The following SPG7 variants were observed in gnomAD, a reference collection of about 807,000 sequenced individuals.
The protein encoded by SPG7 is mitochondrial inner membrane m-AAA protease component paraplegin.
SPG7 carries 103 observed loss-of-function variants against 81.9 expected under a neutral mutation model. The ratio of observed to expected loss-of-function variants is 1.26; its 90% CI spans 1.07 to 1.48. The LOEUF (loss-of-function observed/expected upper bound fraction) is 1.48, where lower values mean the gene tolerates loss of function less well. SPG7 is among the 40% of genes most tolerant of loss of function. The probability of loss-of-function intolerance (pLI) is 0.00; values close to 1 mark genes in which losing one functional copy is unlikely to be tolerated. For synonymous variants in SPG7, 534 were observed against 444.2 expected (o/e 1.20, Z -2.54); for missense variants, 1,241 against 1,087.3 (o/e 1.14, Z -1.99).
intron 3 of SPG7, chr16:89,523,003 C>G (rs915230855): frequency 3.9e-5 from 6 of 153,738 alleles, no homozygotes; most frequent in African/African-American, 1.4e-4. Context: ...TTGAGTCGGT[C>G]TCTTGCTGTC....
chr16:89,521,384 C>G (rs1049329977), intron 3 of SPG7: 1 of 152,244 alleles, frequency 6.6e-6, no homozygotes, highest in African/African-American at 2.4e-5. Context: ...TGGAGAAGGG[C>G]TACACGTTTG....
intron 9 of SPG7, chr16:89,543,817 C>T (rs2058530727): frequency 6.6e-6 from 1 of 151,996 alleles, no homozygotes; most frequent in African/African-American, 2.4e-5. Flanking sequence ...CCACACCCGG[C>T]TAATTTTTTG....
chr16:89,552,588 G>C, intron 13 of SPG7: 1 of 318,210 alleles, frequency 3.1e-6, no homozygotes, highest in South Asian at 2.7e-5. Flanking sequence ...GACAGCCTCT[G>C]CTGCCTCAGC....
intron 2 of SPG7, among the ~76,000 whole-genome samples, chr16:89,511,209 T>C (rs989981916): frequency 6.6e-6 from 1 of 152,352 alleles, no homozygotes; most frequent in Admixed American, 6.5e-5. Flanking sequence ...TTTTTCGTGT[T>C]ATCTAGTCAG....
chr16:89,512,542 A>C (rs1597603853), intron 2 of SPG7, among the ~76,000 whole-genome samples: 2 of 151,672 alleles, frequency 1.3e-5, no homozygotes, highest in African/African-American at 4.8e-5. Flanking sequence ...TGAACTCCTG[A>C]CCTCGTGAAC....
chr16:89,544,983 C>G, intron 10 of SPG7: 1 of 626,694 alleles, frequency 1.6e-6, no homozygotes, highest in Non-Finnish European at 2.9e-6. Flanking sequence ...CCCACATTGG[C>G]TGCACGCCCC....
intron 10 of SPG7, 70 bp downstream of exon 10, chr16:89,544,842 TCTC>T: frequency 1.9e-6 from 3 of 1,583,360 alleles, no homozygotes; most frequent in African/African-American, 1.3e-5. Context: ...TGGTCTGGCC[TCTC>T]CTCTAAGACA....
At chr16:89,509,358 C>G (rs1045115908) in intron 1 of SPG7, among the ~76,000 whole-genome samples, 1 of 152,106 alleles carries the variant, frequency 6.6e-6, no homozygotes, top group Non-Finnish European at 1.5e-5. Context: ...TCAAGCGATT[C>G]TCCTGCCTCA....
In SPG7 at chr16:89,544,710, G is replaced by A. The variant is rs375418325; in HGVS notation, c.1387G>A (p.Gly463Ser). The change falls in exon 10 of 17, where the codon GGT (glycine) becomes AGT (serine). Residue 463 changes from glycine to serine, a missense_variant. Transcript: ENST00000645818. ...CACGAACCGAGCTGACATTTTGGAC[G>A]GTGCTCTGATGAGGCCAGGCCGACT... is the stretch of plus-strand genomic sequence containing the variant. ...ASTNRADILD[G>S]ALMRPGRLDR... is the part of the protein sequence containing the mutation. The A allele has an allele frequency of 5.0e-6, 8 of 1,613,970 alleles. No homozygotes were observed. The highest frequency in any genetic ancestry group is 2.7e-5 in the African/African-American group (2 of 74,904).
At chr16:89,528,359 T>C (rs1351174142) in intron 5 of SPG7, among the ~76,000 whole-genome samples, 1 of 145,828 alleles carries the variant, frequency 6.9e-6, no homozygotes, top group Admixed American at 7.0e-5. Context: ...ACCACTGCAG[T>C]CTGGCCTGGG....
intron 14 of SPG7, 100 bp from the exon 15 acceptor site, chr16:89,553,694 A>C: frequency 8.6e-7 from 1 of 1,160,396 alleles, no homozygotes; most frequent in Non-Finnish European, 1.3e-6. Flanking sequence ...AAGGGGATGG[A>C]GGTGGTGCTG....
intron 4 of SPG7, 44 bp from the exon 5 acceptor site, chr16:89,526,285 T>G (rs774593173): frequency 6.2e-7 from 1 of 1,612,540 alleles, no homozygotes; most frequent in South Asian, 1.1e-5. Flanking sequence ...GTTGCTCGTC[T>G]GTCCCTGCGT....
At chr16:89,510,141 A>AT (rs1244514600) in intron 1 of SPG7, among the ~76,000 whole-genome samples, 1 of 151,298 alleles carries the variant, frequency 6.6e-6, no homozygotes, top group African/African-American at 2.4e-5. Flanking sequence ...CGCCCGGCTA[A>AT]TTTTTGTATT....
Position 89,550,414 on chromosome 16 carries a change from C to T in SPG7, c.1664-80C>T, listed in dbSNP as rs1215350369. ...TCTCGAACTCCTGTCCTCAGGTCAT[C>T]CGCCCGCCTTGGCCTCCCACAGCGC... On this transcript the variant is annotated intron_variant, in intron 12 of 16. Coordinates refer to ENST00000645818, the MANE Select transcript of SPG7 (RefSeq NM_003119.4). The T allele has an allele frequency of 2.5e-5, 24 of 955,454 alleles. No individual in the cohort carries two copies. In the East Asian group the frequency reaches 5.7e-4, roughly 23 times the overall value. The allele number at this position is 955,454 out of a possible 1,614,324, so 59.2% of individuals were successfully genotyped here.
Position 89,532,524 on chromosome 16 carries a change from C to G in SPG7, c.1212C>G (p.Ile404Met), listed in dbSNP as rs765347604. 6.2e-7 allele frequency: 1 copy of G among 1,613,768 alleles called. No individual in the cohort carries two copies. Among genetic ancestry groups the G allele is most frequent in the Non-Finnish European group, 8.5e-7 (1 of 1,180,042 alleles). The stretch of plus-strand genomic sequence containing the variant: ...AAGCCCGAGCCCGGGCCCCCTGCAT[C>G]GTCTACATCGATGAGATCGACGCGG... ...FKEARARAPC[I>M]VYIDEIDAVG... The change falls in exon 9 of 17, where the codon ATC (isoleucine) becomes ATG (methionine). Residue 404 changes from isoleucine to methionine, a missense_variant. Transcript: ENST00000645818.
At chr16:89,534,357 G>A (rs532978331) in intron 9 of SPG7, among the ~76,000 whole-genome samples, 6 of 152,338 alleles carry the variant, frequency 3.9e-5, no homozygotes, top group African/African-American at 1.2e-4. Flanking sequence ...GAGGCTGAAC[G>A]ATGCTGCCTT....
intron 11 of SPG7, 107 bp downstream of exon 11, chr16:89,546,867 C>A: frequency 1.3e-6 from 1 of 759,902 alleles, no homozygotes; most frequent in South Asian, 1.4e-5. Flanking sequence ...GCTGCTCCTT[C>A]TCTGGGGGCC....
rs1302712889 is a variant in SPG7, at chr16:89,532,989, G to C, written c.1324+353G>C. On this transcript the variant is annotated intron_variant, in intron 9 of 16. Transcript: ENST00000645818. ...TCGCTAGTACTCTGGAGAATCGCTT[G>C]AACTCGGGAGGTGGAGGTTGCAGTG... is the stretch of plus-strand genomic sequence containing the variant. 3 of 305,160 alleles carry C rather than the reference G, an allele frequency of 9.8e-6. No individual in the cohort carries two copies. In the East Asian group the frequency reaches 2.5e-4, roughly 25 times the overall value. The allele number at this position is 305,160 out of a possible 1,614,324, so 18.9% of individuals were successfully genotyped here. A position where few individuals can be genotyped will look rare whatever the true frequency, so the allele number is the denominator to read the frequency against.
At position 89,512,874 on chromosome 16, in the gene SPG7, G is replaced by A. The variant is rs140309695; in HGVS notation, c.287-74G>A. ...TTTGTTTTGCTTTGGTTATTTAGGA[G>A]TACACTGTTGTCCTGTATGCCTCCC... On this transcript the variant is annotated intron_variant, in intron 2 of 16. Coordinates refer to ENST00000645818, the MANE Select transcript of SPG7 (RefSeq NM_003119.4). 670 of 1,548,632 alleles carry A rather than the reference G, an allele frequency of 4.3e-4. 2 individuals carry two copies. The African/African-American group carries it at 5.2e-3, about 12-fold the overall frequency.
Sources: allele counts gnomAD v4.1 joint callset (sites outside exome capture counted in the v4.1 genomes callset), GRCh38; gene constraint gnomAD v4.1.1; transcripts MANE v1.5; gene names NCBI Gene and HGNC (gene_info 2026-07-23, HGNC 2026-07-21).